Variants in DMD observed in about 807,000 individuals in gnomAD.
The protein encoded by DMD is dystrophin, also known as mutant dystrophin.
A neutral mutation model predicts 330.1 loss-of-function variants in DMD; 63 were observed. The observed-to-expected ratio is 0.19, with a 90% CI of 0.16 to 0.24. The LOEUF is 0.24. Ranked by LOEUF, DMD falls within the 10% of genes least tolerant of loss-of-function variation. The probability of loss-of-function intolerance (pLI) is 1.00; values close to 1 mark genes in which losing one functional copy is unlikely to be tolerated. For missense variants in DMD, 3,344 were observed against 2,684.1 expected (o/e 1.25, Z -5.43); for synonymous variants, 1,223 against 959.8 (o/e 1.27, Z -5.07).
chrX:33,330,921 G>A (rs1245406882), intron 1 of DMD, among the ~76,000 whole-genome samples: 1 of 111,735 alleles, frequency 8.9e-6, no homozygotes, highest in Non-Finnish European at 1.9e-5. Context: ...TCCTAAGTCA[G>A]CTTTACTGTC....
intron 2 of DMD, among the ~76,000 whole-genome samples, chrX:32,976,805 C>T (rs1465867975): frequency 9.0e-6 from 1 of 110,553 alleles, no homozygotes; most frequent in Non-Finnish European, 1.9e-5. Context: ...ATTTTTAATT[C>T]ATTATTGTCC....
At chrX:32,927,404 T>C (rs1241882365) in intron 2 of DMD, among the ~76,000 whole-genome samples, 2 of 96,153 alleles carry the variant, frequency 2.1e-5, no homozygotes, top group African/African-American at 7.9e-5. Flanking sequence ...ATTTCACTCT[T>C]GTTGCCCAGG....
chrX:32,819,937 A>G (rs1175347590), intron 5 of DMD, among the ~76,000 whole-genome samples: 1 of 111,207 alleles, frequency 9.0e-6, no homozygotes, highest in Non-Finnish European at 1.9e-5. Context: ...AGTGTGCTTA[A>G]TAGTTTTAGA....
chrX:32,624,299 C>T (rs1234489482), intron 11 of DMD, among the ~76,000 whole-genome samples: 1 of 111,356 alleles, frequency 9.0e-6, no homozygotes, highest in Non-Finnish European at 1.9e-5. Context: ...TAGTATAGGG[C>T]AGGAGTTGGT....
chrX:33,325,100 A>G (rs2054070935), intron 1 of DMD, among the ~76,000 whole-genome samples: 1 of 112,157 alleles, frequency 8.9e-6, no homozygotes, highest in African/African-American at 3.2e-5. Flanking sequence ...AATTAAAAGT[A>G]TAATGTATAC....
chrX:32,151,084 T>C (rs1244757446), intron 44 of DMD, among the ~76,000 whole-genome samples: 1 of 111,719 alleles, frequency 9.0e-6, no homozygotes, highest in Non-Finnish European at 1.9e-5. Context: ...ACTTTGTGTG[T>C]AAGATAAAAG....
intron 2 of DMD, among the ~76,000 whole-genome samples, chrX:32,954,067 A>G (rs750701626): frequency 8.9e-6 from 1 of 112,307 alleles, no homozygotes; most frequent in South Asian, 3.7e-4. Flanking sequence ...AACTGTGCCA[A>G]CATGATAGAA....
chrX:31,327,055 G>A (rs953079090), intron 61 of DMD, among the ~76,000 whole-genome samples: 1 of 112,027 alleles, frequency 8.9e-6, no homozygotes, highest in African/African-American at 3.2e-5. Flanking sequence ...ACACCGGGTT[G>A]TCCTTTGGTA....
chrX:32,431,104 T>C (rs73619081), intron 29 of DMD, among the ~76,000 whole-genome samples: 20,912 of 110,500 alleles, frequency 0.19, 1,832 homozygotes, highest in African/African-American at 0.33. Context: ...GATCATATAG[T>C]AATTCTATTT....
chrX:31,503,313 A>G (rs1416229928), intron 56 of DMD, among the ~76,000 whole-genome samples: 1 of 112,370 alleles, frequency 8.9e-6, no homozygotes, highest in Admixed American at 9.4e-5. Context: ...GAGAACTGGA[A>G]GAGACTGTCC....
chrX:31,758,733 C>G (rs1229655132), intron 51 of DMD, among the ~76,000 whole-genome samples: 4 of 111,633 alleles, frequency 3.6e-5, no homozygotes, highest in Non-Finnish European at 7.5e-5. Context: ...CAAGAAGAAC[C>G]TCCATACAAA....
At chrX:32,719,842 C>G (rs2066090532) in intron 7 of DMD, among the ~76,000 whole-genome samples, 1 of 109,995 alleles carries the variant, frequency 9.1e-6, no homozygotes, top group Admixed American at 9.8e-5. Flanking sequence ...GTACACAATG[C>G]CCTTTTCCAA....
chrX:31,579,626 C>T (rs887575702), intron 55 of DMD, among the ~76,000 whole-genome samples: 2 of 112,276 alleles, frequency 1.8e-5, no homozygotes, highest in African/African-American at 6.5e-5. Context: ...ACTGCAACAT[C>T]AGACTACAGT....
intron 51 of DMD, among the ~76,000 whole-genome samples, chrX:31,740,883 A>ATT (rs1169171530): frequency 8.9e-6 from 1 of 112,199 alleles, no homozygotes; most frequent in Non-Finnish European, 1.9e-5. Context: ...GTTTGATAGC[A>ATT]TTTTACTCAG....
chrX:31,482,568 T>C (rs1333006632), intron 57 of DMD, among the ~76,000 whole-genome samples: 1 of 110,510 alleles, frequency 9.0e-6, no homozygotes, highest in African/African-American at 3.3e-5. Flanking sequence ...AACACAGAAG[T>C]AAAGTAAGAT....
chrX:32,517,947 A>T (rs777392544), intron 18 of DMD, 61 bp downstream of exon 18: 3 of 1,141,201 alleles, frequency 2.6e-6, no homozygotes, highest in Admixed American at 2.2e-5. Flanking sequence ...CAGATAACAA[A>T]GCACGGAGTT....
chrX:31,501,569 G>A (rs1665448421), intron 56 of DMD, among the ~76,000 whole-genome samples: 1 of 111,846 alleles, frequency 8.9e-6, no homozygotes, highest in African/African-American at 3.2e-5. Flanking sequence ...AGAGCCTTTA[G>A]ATGTGCTGGA....
chrX:33,034,942 G>GTTA (rs1373713702), intron 1 of DMD, among the ~76,000 whole-genome samples: 2 of 111,681 alleles, frequency 1.8e-5, no homozygotes, highest in Non-Finnish European at 3.8e-5. Context: ...AATCAACATT[G>GTTA]TTATTCCTAT....
intron 54 of DMD, among the ~76,000 whole-genome samples, chrX:31,637,564 A>C (rs745682364): frequency 1.6e-4 from 18 of 111,001 alleles, no homozygotes; most frequent in Admixed American, 1.4e-3. Context: ...ACTTACTGTA[A>C]ATTATTTGAG....
Sources: gnomAD v4.1 joint callset for allele counts (sites outside exome capture counted in the v4.1 genomes callset) on GRCh38, gnomAD v4.1.1 for gene constraint, MANE v1.5 for transcripts, NCBI Gene and HGNC (gene_info 2026-07-23, HGNC 2026-07-21) for gene names.